FRMD4A: variants seen among roughly 807,000 people sequenced by gnomAD.
FRMD4A encodes the protein FERM domain-containing protein 4A.
Under a neutral mutation model 129.1 loss-of-function variants are expected in FRMD4A, and 29 were observed. That is an observed-to-expected ratio of 0.22 (90% confidence interval 0.17 to 0.31). The LOEUF (loss-of-function observed/expected upper bound fraction) is 0.31. FRMD4A is among the 10% of genes least tolerant of loss of function. The pLI is 1.00. For synonymous variants in FRMD4A, 634 were observed against 571.6 expected, an observed-to-expected ratio of 1.11 and a Z score of -1.56; for missense variants, 1,272 against 1,375.8, an observed-to-expected ratio of 0.92 and a Z score of 1.19.
At chr10:14,096,970 G>C (rs1273521995) in intron 2 of FRMD4A, 1 of 151,406 alleles carries the variant, frequency 6.6e-6, no homozygotes, top group Non-Finnish European at 1.5e-5. Flanking sequence ...CCCCATCCCC[G>C]CTAAAAATAC....
intron 2 of FRMD4A, among the ~76,000 whole-genome samples, chr10:13,925,095 A>G (rs1389554653): frequency 2.0e-5 from 3 of 148,032 alleles, no homozygotes; most frequent in Non-Finnish European, 3.0e-5. Flanking sequence ...ATGACTTAAG[A>G]GAGAATGCAA....
intron 2 of FRMD4A, among the ~76,000 whole-genome samples, chr10:13,983,771 A>C (rs913884978): frequency 6.6e-6 from 1 of 151,932 alleles, no homozygotes; most frequent in Admixed American, 6.6e-5. Context: ...AGGCCGAGGC[A>C]GGCGGATCAC....
intron 2 of FRMD4A, among the ~76,000 whole-genome samples, chr10:14,084,849 A>C (rs1023651645): frequency 1.3e-5 from 2 of 151,966 alleles, no homozygotes; most frequent in African/African-American, 2.4e-5. Flanking sequence ...AACCACCATA[A>C]AGCTGTCTGT....
At chr10:14,175,848 C>A (rs901039209) in intron 2 of FRMD4A, among the ~76,000 whole-genome samples, 1 of 152,156 alleles carries the variant, frequency 6.6e-6, no homozygotes, top group Non-Finnish European at 1.5e-5. Context: ...TTAACTCTTT[C>A]TCTGCGTCAC....
intron 2 of FRMD4A, among the ~76,000 whole-genome samples, chr10:14,314,874 G>C (rs1309041469): frequency 6.6e-6 from 1 of 151,744 alleles, no homozygotes; most frequent in Non-Finnish European, 1.5e-5. Flanking sequence ...TGCAGCCTGG[G>C]TCTGAGTATA....
At chr10:14,094,992 A>G (rs1011824698) in intron 2 of FRMD4A, among the ~76,000 whole-genome samples, 2 of 152,214 alleles carry the variant, frequency 1.3e-5, no homozygotes, top group East Asian at 3.9e-4. Flanking sequence ...AGATCCATAC[A>G]TCCATATGCA....
intron 2 of FRMD4A, among the ~76,000 whole-genome samples, chr10:14,226,639 G>C (rs1326998): frequency 0.85 from 128,649 of 152,088 alleles, 55,075 homozygotes; most frequent in South Asian, 0.97. Flanking sequence ...GTCCAAACTT[G>C]CCCGTGTTCT....
intron 2 of FRMD4A, among the ~76,000 whole-genome samples, chr10:14,051,889 G>T: frequency 6.6e-6 from 1 of 152,356 alleles, no homozygotes; most frequent in East Asian, 1.9e-4. Flanking sequence ...GAATTGAATA[G>T]TGTCTCACCC....
At chr10:13,716,952 TC>T in intron 12 of FRMD4A, among the ~76,000 whole-genome samples, 1 of 145,790 alleles carries the variant, frequency 6.9e-6, no homozygotes, top group Non-Finnish European at 1.5e-5. Context: ...TCCTTTCCTA[TC>T]CTCTGCCCCC....
At chr10:14,140,751 T>A (rs1233135111) in intron 2 of FRMD4A, among the ~76,000 whole-genome samples, 1 of 152,176 alleles carries the variant, frequency 6.6e-6, no homozygotes, top group Non-Finnish European at 1.5e-5. Flanking sequence ...GAGAGGAATA[T>A]CCTTCACATG....
chr10:14,288,717 A>G (rs967265737), intron 2 of FRMD4A, among the ~76,000 whole-genome samples: 9 of 152,198 alleles, frequency 5.9e-5, no homozygotes, highest in African/African-American at 2.2e-4. Context: ...GTTATACAGC[A>G]TATCTCTAGA....
intron 8 of FRMD4A, among the ~76,000 whole-genome samples, chr10:13,758,615 C>T (rs2091951019): frequency 6.6e-6 from 1 of 152,134 alleles, no homozygotes; most frequent in Admixed American, 6.5e-5. Context: ...AGAATTCATG[C>T]CTTATGCAGG....
intron 2 of FRMD4A, among the ~76,000 whole-genome samples, chr10:13,926,877 T>C (rs1315268768): frequency 2.0e-5 from 3 of 152,308 alleles, no homozygotes; most frequent in East Asian, 1.9e-4. Context: ...TTCCTACAGA[T>C]TGGATTTCCC....
intron 2 of FRMD4A, among the ~76,000 whole-genome samples, chr10:13,964,206 C>A (rs562435018): frequency 6.6e-6 from 1 of 151,084 alleles, no homozygotes; most frequent in Admixed American, 6.6e-5. Context: ...TACAAATAGA[C>A]CAAAGAAAAC....
Position 14,100,334 on chromosome 10 carries a change from G to C in FRMD4A, c.45+229724C>G, listed in dbSNP as rs189602023. On this transcript the variant is annotated intron_variant, in intron 2 of 24. Coordinates refer to ENST00000357447, the MANE Select transcript of FRMD4A (RefSeq NM_018027.5). The stretch of plus-strand genomic sequence containing the variant: ...TGGCAGCCAGAGCTTGAGACTCTTG[G>C]ATGCTTGGAAAAAAACACCTAGAAA... 6.3e-3 allele frequency among the ~76,000 whole-genome samples: 962 copies of C among 152,180 alleles called. 5 individuals carry two copies. The highest frequency in any genetic ancestry group is 0.017 in the Middle Eastern group (5 of 294).
Position 14,301,985 on chromosome 10 carries a change from G to A in FRMD4A, c.45+28073C>T, listed in dbSNP as rs187516738. On this transcript the variant is annotated intron_variant, in intron 2 of 24. Transcript: ENST00000357447. The stretch of plus-strand genomic sequence containing the variant: ...CTGAGAAAGCAAAGTCATTCCCAGG[G>A]AGTTTTTCAGACAAATCTGGGGAAA... 9.2e-5 allele frequency among the ~76,000 whole-genome samples: 14 copies of A among 152,294 alleles called. No homozygotes were observed. The East Asian group carries it at 2.3e-3, about 25-fold the overall frequency.
At chr10:14,063,327 G>C (rs1294260554) in intron 2 of FRMD4A, among the ~76,000 whole-genome samples, 1 of 152,164 alleles carries the variant, frequency 6.6e-6, no homozygotes, top group East Asian at 1.9e-4. Flanking sequence ...GCAAGATTCA[G>C]ATTCTTCCTC....
chr10:13,747,184 A>G (rs1057132621), intron 9 of FRMD4A, among the ~76,000 whole-genome samples: 7 of 151,622 alleles, frequency 4.6e-5, no homozygotes, highest in South Asian at 2.1e-4. Context: ...TTAAAAAAAA[A>G]AAGAAGAAGA....
intron 2 of FRMD4A, among the ~76,000 whole-genome samples, chr10:13,998,712 G>C (rs2095631536): frequency 6.6e-6 from 1 of 152,094 alleles, no homozygotes; most frequent in African/African-American, 2.4e-5. Context: ...AATCCTGCCA[G>C]CTCTCCCTTC....
Sources: gnomAD v4.1 joint callset for allele counts (sites outside exome capture counted in the v4.1 genomes callset) on GRCh38, gnomAD v4.1.1 for gene constraint, MANE v1.5 for transcripts, NCBI Gene and HGNC (gene_info 2026-07-23, HGNC 2026-07-21) for gene names.